Variants in TENT2 observed in about 807,000 individuals in gnomAD.
TENT2 encodes terminal nucleotidyltransferase 2.
Under a neutral mutation model 72.2 loss-of-function variants are expected in TENT2, and 44 were observed. The ratio of observed to expected loss-of-function variants is 0.61; its 90% CI spans 0.48 to 0.78. The LOEUF (loss-of-function observed/expected upper bound fraction) is 0.78. Ranked by LOEUF, TENT2 falls within the 30% of genes least tolerant of loss-of-function variation. TENT2 has a pLI of 0.00. For missense variants in TENT2, 541 were observed against 569.6 expected (o/e 0.95, Z 0.51); for synonymous variants, 212 against 192.5 (o/e 1.10, Z -0.84).
At position 79,642,309 on chromosome 5, in the gene TENT2, C is replaced by T. The variant is rs143345557; in HGVS notation, c.673-523C>T. Among the ~76,000 whole-genome samples, 32 of 152,022 alleles carry T rather than the reference C, an allele frequency of 2.1e-4. No individual in the cohort carries two copies. In the East Asian group the frequency reaches 5.8e-3, roughly 28 times the overall value. On this transcript the variant is annotated intron_variant, in intron 6 of 14. Coordinates refer to ENST00000453514, the MANE Select transcript of TENT2 (RefSeq NM_001114394.3). ...TATAAAGAGAAAGTTTAAAAAAACT[C>T]ACATTATAAACAGTGGAGAGTACAA...
At chr5:79,617,492 A>C (rs1286405638) in intron 1 of TENT2, 1 of 152,168 alleles carries the variant, frequency 6.6e-6, no homozygotes, top group East Asian at 1.9e-4. Context: ...ATGGTCAAAT[A>C]CATCAGATAA....
chr5:79,686,744 C>CT lies in TENT2; in HGVS notation c.*1472dup, dbSNP rs1826169357. 6.6e-6 allele frequency: 1 copy of CT among 152,052 alleles called. No homozygotes were observed. Among genetic ancestry groups the CT allele is most frequent in the South Asian group, 2.1e-4 (1 of 4,822 alleles). 9.4% of individuals were successfully genotyped at this position (152,052 alleles called of 1,614,324 possible). A position where few individuals can be genotyped will look rare whatever the true frequency, so the allele number is the denominator to read the frequency against. On this transcript the variant is annotated 3_prime_UTR_variant, in exon 15 of 15. Transcript: ENST00000453514. ...TGAACTAAATCTACTTATTAGCCAG[C>CT]TAACGACATCAATATCTTATGTCTC... is the stretch of plus-strand genomic sequence containing the variant.
intron 11 of TENT2, among the ~76,000 whole-genome samples, chr5:79,666,611 C>G (rs181613065): frequency 1.3e-3 from 200 of 152,032 alleles, no homozygotes; most frequent in Middle Eastern, 3.4e-3. Context: ...AAGCTGGTCT[C>G]AAACTCCTGG....
intron 1 of TENT2, among the ~76,000 whole-genome samples, chr5:79,616,216 G>C (rs1213257063): frequency 4.4e-5 from 1 of 22,938 alleles, no homozygotes; most frequent in African/African-American, 1.6e-4. Flanking sequence ...TTTTTTTTTT[G>C]AGATGGAGTT....
chr5:79,644,406 C>T (rs377533935), intron 7 of TENT2, among the ~76,000 whole-genome samples: 3 of 152,108 alleles, frequency 2.0e-5, no homozygotes, highest in Non-Finnish European at 4.4e-5. Context: ...GAAAGATTTT[C>T]AGAATTTCAT....
chr5:79,663,302 T>C lies in TENT2; in HGVS notation c.1072-5590T>C, dbSNP rs1804523943. Reference sequence around the variant, plus strand: ...TGATGCGTTCACTGGAGTAGTACTTTTAATATCCTTCAAGAACTTTTCCTT... The same window carrying C: ...TGATGCGTTCACTGGAGTAGTACTTCTAATATCCTTCAAGAACTTTTCCTT... On this transcript the variant is annotated intron_variant, in intron 11 of 14. Coordinates refer to ENST00000453514, the MANE Select transcript of TENT2 (RefSeq NM_001114394.3). 2.0e-5 allele frequency among the ~76,000 whole-genome samples: 3 copies of C among 152,254 alleles called. No individual in the cohort carries two copies. In the South Asian group the frequency reaches 6.2e-4, roughly 31 times the overall value.
At chr5:79,627,486 CT>C (rs1282673715) in intron 4 of TENT2, among the ~76,000 whole-genome samples, 1 of 151,838 alleles carries the variant, frequency 6.6e-6, no homozygotes, top group Non-Finnish European at 1.5e-5. Context: ...GAACCAATTT[CT>C]TTTTTTTCGT....
At chr5:79,654,122 T>C (rs1796156273) in intron 10 of TENT2, among the ~76,000 whole-genome samples, 1 of 152,136 alleles carries the variant, frequency 6.6e-6, no homozygotes, top group African/African-American at 2.4e-5. Flanking sequence ...AGGATTTTAA[T>C]TATAATTTAA....
chr5:79,675,862 G>C (rs1047518802), intron 12 of TENT2, among the ~76,000 whole-genome samples: 2 of 152,022 alleles, frequency 1.3e-5, no homozygotes, highest in Non-Finnish European at 2.9e-5. Flanking sequence ...GCTGGAAAAA[G>C]GATTTGGGAA....
chr5:79,664,488 C>T (rs112178252), intron 11 of TENT2, among the ~76,000 whole-genome samples: 3,832 of 151,324 alleles, frequency 0.025, 164 homozygotes, highest in African/African-American at 0.088. Context: ...CCAGCTACTC[C>T]GGAGGCTGAG....
chr5:79,648,948 T>C, intron 9 of TENT2, 114 bp from the exon 10 acceptor site: 1 of 1,193,662 alleles, frequency 8.4e-7, no homozygotes, highest in South Asian at 1.5e-5. Context: ...AGACACAGTG[T>C]TTAATATACA....
chr5:79,665,754 T>A (rs372225520), intron 11 of TENT2, among the ~76,000 whole-genome samples: 6 of 152,220 alleles, frequency 3.9e-5, no homozygotes, highest in Admixed American at 2.6e-4. Flanking sequence ...ACCCAAAAAT[T>A]TATTTATTAA....
At chr5:79,647,338 T>A (rs1376602343) in intron 8 of TENT2, among the ~76,000 whole-genome samples, 1 of 152,200 alleles carries the variant, frequency 6.6e-6, no homozygotes, top group African/African-American at 2.4e-5. Flanking sequence ...CTGTGGATAT[T>A]TTTAAAGCCC....
chr5:79,660,748 T>G (rs1008166636), intron 11 of TENT2, among the ~76,000 whole-genome samples: 5 of 152,290 alleles, frequency 3.3e-5, no homozygotes, highest in Non-Finnish European at 7.4e-5. Context: ...TATTTGTGAG[T>G]GTACTCTTTA....
chr5:79,617,124 A>G (rs1226471768), intron 1 of TENT2, among the ~76,000 whole-genome samples: 1 of 151,696 alleles, frequency 6.6e-6, no homozygotes, highest in Non-Finnish European at 1.5e-5. Context: ...GTTGTTTAAA[A>G]AAAAAAAGAA....
chr5:79,621,751 C>G (rs1276998158), intron 3 of TENT2, among the ~76,000 whole-genome samples: 1 of 132,022 alleles, frequency 7.6e-6, no homozygotes, highest in Non-Finnish European at 1.6e-5. Context: ...GAGCGAGACT[C>G]TATCTCAAAA....
intron 11 of TENT2, among the ~76,000 whole-genome samples, chr5:79,657,222 G>A (rs927231505): frequency 1.3e-5 from 2 of 152,022 alleles, no homozygotes; most frequent in Admixed American, 1.3e-4. Context: ...TTGTGTTAAT[G>A]GTGGAATTTG....
At chr5:79,626,178 C>T (rs908448178) in intron 4 of TENT2, among the ~76,000 whole-genome samples, 2 of 151,986 alleles carry the variant, frequency 1.3e-5, no homozygotes, top group African/African-American at 4.8e-5. Flanking sequence ...CTGTCATGCC[C>T]AGGCTGGAAT....
intron 11 of TENT2, 155 bp from the exon 12 acceptor site, chr5:79,668,737 G>GATA: frequency 1.4e-6 from 1 of 722,348 alleles, no homozygotes; most frequent in Admixed American, 2.8e-5. Context: ...TACTGGTGAA[G>GATA]TCTTTAGTGG....
Sources: gnomAD v4.1 joint callset for allele counts (sites outside exome capture counted in the v4.1 genomes callset) on GRCh38, gnomAD v4.1.1 for gene constraint, MANE v1.5 for transcripts, NCBI Gene and HGNC (gene_info 2026-07-23, HGNC 2026-07-21) for gene names.